The following TXNDC16 variants were observed in gnomAD, a reference collection of about 807,000 sequenced individuals.
The protein encoded by TXNDC16 is thioredoxin domain-containing protein 16.
Under a neutral mutation model 85.6 loss-of-function variants are expected in TXNDC16, and 74 were observed. That is an observed-to-expected ratio of 0.86 (90% CI 0.72 to 1.05). The LOEUF (loss-of-function observed/expected upper bound fraction) is 1.05. Among genes scored for constraint, TXNDC16 ranks in the 50% least tolerant of loss-of-function variants. TXNDC16 has a pLI of 0.00. For missense variants in TXNDC16, 959 were observed against 947.0 expected, an observed-to-expected ratio of 1.01 and a Z score of -0.17; for synonymous variants, 335 against 326.5, an observed-to-expected ratio of 1.03 and a Z score of -0.28.
chr14:52,499,523 C>T (rs947434639), intron 9 of TXNDC16, among the ~76,000 whole-genome samples: 14 of 151,246 alleles, frequency 9.3e-5, no homozygotes, highest in African/African-American at 1.9e-4. Context: ...GCATATGAGA[C>T]GATACTCAAC....
rs534858952 is a variant in TXNDC16 at position 52,539,627 on chromosome 14, TGTG to T, written c.244-1958_244-1956del. Among the ~76,000 whole-genome samples, 11 of 152,292 alleles carry T rather than the reference TGTG, an allele frequency of 7.2e-5. No individual in the cohort carries two copies. In the East Asian group the frequency reaches 1.2e-3, roughly 16 times the overall value. On this transcript the variant is annotated intron_variant, in intron 4 of 20. Transcript: ENST00000281741. ...GAAAGGCCAATTATTAGGAGGCTAT[TGTG>T]GTTTCCCCAATGAGAAGAGATGGCA...
intron 1 of TXNDC16, among the ~76,000 whole-genome samples, 162 bp downstream of exon 1, chr14:52,552,154 T>C (rs981231463): frequency 6.6e-6 from 1 of 152,150 alleles, no homozygotes; most frequent in Non-Finnish European, 1.5e-5. Context: ...CAAAATGCCC[T>C]CAGGAGGCTC....
intron 7 of TXNDC16, among the ~76,000 whole-genome samples, chr14:52,517,394 T>A (rs1000856196): frequency 6.6e-6 from 1 of 152,174 alleles, no homozygotes; most frequent in Non-Finnish European, 1.5e-5. Context: ...TTAACTATTA[T>A]TGCTGCCTAA....
intron 11 of TXNDC16, among the ~76,000 whole-genome samples, chr14:52,489,974 C>G (rs1279653524): frequency 6.6e-6 from 1 of 152,048 alleles, no homozygotes; most frequent in Non-Finnish European, 1.5e-5. Context: ...GTAACTGGGA[C>G]TATAGGCATG....
chr14:52,514,946 G>C lies in TXNDC16; in HGVS notation c.539C>G (p.Ala180Gly), dbSNP rs117463339. The C allele has an allele frequency of 0.027, 44,050 of 1,611,950 alleles. 722 individuals are homozygous for C. The highest frequency in any genetic ancestry group is 0.031 in the Non-Finnish European group (35,954 of 1,178,452). ...TTGGTATGTAGTCCCATACACAAAA[G>C]CGGCTTCCATGACTGCTCTGTGCTC... The part of the protein sequence containing the change: ...IPEHRAVMEA[A>G]FVYGTTYQFV... Residue 180 changes from alanine to glycine, a missense_variant, in exon 8 of 21, where the codon GCT becomes GGT. Ala to Gly is a moderately conservative substitution (Grantham distance 60). Coordinates refer to ENST00000281741, the MANE Select transcript of TXNDC16 (RefSeq NM_020784.3).
intron 7 of TXNDC16, among the ~76,000 whole-genome samples, chr14:52,516,597 A>T (rs1237901410): frequency 6.6e-6 from 1 of 152,078 alleles, no homozygotes; most frequent in Non-Finnish European, 1.5e-5. Flanking sequence ...CTATGCTGGG[A>T]CTCAATGGGT....
intron 11 of TXNDC16, among the ~76,000 whole-genome samples, chr14:52,488,975 G>C (rs2036340922): frequency 6.6e-6 from 1 of 151,662 alleles, no homozygotes; most frequent in Admixed American, 6.6e-5. Flanking sequence ...CTTCTGTAAA[G>C]ACAATGTGTA....
chr14:52,454,049 T>C (rs149708298), intron 18 of TXNDC16, among the ~76,000 whole-genome samples: 3 of 152,328 alleles, frequency 2.0e-5, no homozygotes, highest in Non-Finnish European at 4.4e-5. Flanking sequence ...ATTGGATTGT[T>C]TGAAACACAA....
At chr14:52,463,477 C>T (rs191325620) in intron 16 of TXNDC16, among the ~76,000 whole-genome samples, 12 of 152,128 alleles carry the variant, frequency 7.9e-5, no homozygotes, top group Non-Finnish European at 1.6e-4. Flanking sequence ...GCTGGGCAGC[C>T]CCCCCAAACC....
chr14:52,469,087 C>T (rs980161514), intron 16 of TXNDC16, among the ~76,000 whole-genome samples: 2 of 152,118 alleles, frequency 1.3e-5, no homozygotes, highest in Admixed American at 1.3e-4. Context: ...TGGCTCACAT[C>T]TGTAATCCCA....
chr14:52,443,774 T>C (rs1431361964), intron 18 of TXNDC16, among the ~76,000 whole-genome samples: 1 of 152,148 alleles, frequency 6.6e-6, no homozygotes, highest in Admixed American at 6.5e-5. Flanking sequence ...TTTCAAAAGA[T>C]GACTAACTAG....
intron 9 of TXNDC16, among the ~76,000 whole-genome samples, chr14:52,495,781 A>C (rs964883332): frequency 2.0e-5 from 3 of 152,136 alleles, no homozygotes; most frequent in Non-Finnish European, 4.4e-5. Context: ...TTAATACATC[A>C]TCTACATTTA....
At chr14:52,512,592 C>G (rs2036982108) in intron 8 of TXNDC16, among the ~76,000 whole-genome samples, 1 of 152,128 alleles carries the variant, frequency 6.6e-6, no homozygotes, top group African/African-American at 2.4e-5. Context: ...CATAACACAG[C>G]CTCTGAAACA....
intron 9 of TXNDC16, among the ~76,000 whole-genome samples, chr14:52,499,266 A>G (rs931931700): frequency 2.6e-4 from 39 of 152,300 alleles, no homozygotes; most frequent in African/African-American, 9.4e-4. Context: ...AATGGGCAAC[A>G]ATTTCTTGGA....
intron 18 of TXNDC16, among the ~76,000 whole-genome samples, chr14:52,442,408 A>C (rs533086532): frequency 9.2e-5 from 14 of 152,254 alleles, no homozygotes; most frequent in African/African-American, 3.1e-4. Context: ...TCTGCTCACC[A>C]GTTTCCCCTT....
intron 18 of TXNDC16, among the ~76,000 whole-genome samples, chr14:52,445,503 A>T (rs58519684): frequency 0.03 from 4,634 of 152,314 alleles, 215 homozygotes; most frequent in African/African-American, 0.1. Context: ...GAAATGTAGA[A>T]AAGTATAAAT....
chr14:52,529,309 C>T (rs1243783832), intron 6 of TXNDC16, among the ~76,000 whole-genome samples: 7 of 144,298 alleles, frequency 4.9e-5, no homozygotes, highest in Non-Finnish European at 7.5e-5. Context: ...GGGGAACACA[C>T]TGGGGCCTGT....
intron 2 of TXNDC16, 101 bp downstream of exon 2, chr14:52,544,163 T>C (rs2140231430): frequency 6.6e-6 from 1 of 152,234 alleles, no homozygotes; most frequent in East Asian, 1.9e-4. Flanking sequence ...TGCTTAAAAA[T>C]TTAAATATCT....
rs377434754 is a variant in TXNDC16 at position 52,432,869 on chromosome 14, C to T, written c.2195-282G>A. ...GAAAAAAGGTCCATAATCTCAATGCCGATTAACCTTTGCTAAGGTTTTCAA... is the reference window on the plus strand; with the variant it reads ...GAAAAAAGGTCCATAATCTCAATGCTGATTAACCTTTGCTAAGGTTTTCAA... On this transcript the variant is annotated intron_variant, in intron 20 of 20. Coordinates refer to ENST00000281741, the MANE Select transcript of TXNDC16 (RefSeq NM_020784.3). Among the ~76,000 whole-genome samples, 9 of 152,072 alleles carry T rather than the reference C, an allele frequency of 5.9e-5. No homozygotes were observed. In the South Asian group the frequency reaches 1.0e-3, roughly 18 times the overall value.
Sources: gnomAD v4.1 joint callset for allele counts (sites outside exome capture counted in the v4.1 genomes callset) on GRCh38, gnomAD v4.1.1 for gene constraint, MANE v1.5 for transcripts, NCBI Gene and HGNC (gene_info 2026-07-23, HGNC 2026-07-21) for gene names.